Variants in SNTG1 observed in about 807,000 individuals in gnomAD.
The protein encoded by SNTG1 is gamma-1-syntrophin.
A neutral mutation model predicts 74.7 loss-of-function variants in SNTG1; 39 were observed. The ratio of observed to expected loss-of-function variants is 0.52; its 90% CI spans 0.40 to 0.68. SNTG1 has a LOEUF of 0.68. Among genes scored for constraint, SNTG1 ranks in the 30% least tolerant of loss-of-function variants. The pLI, the probability that SNTG1 is intolerant of heterozygous loss-of-function variation, is 0.00. For synonymous variants in SNTG1, 254 were observed against 217.1 expected (o/e 1.17, Z -1.49); for missense variants, 685 against 609.5 (o/e 1.12, Z -1.30).
intron 12 of SNTG1, chr8:50,569,101 C>T (rs930131002): frequency 3.3e-5 from 5 of 152,132 alleles, no homozygotes; most frequent in African/African-American, 9.7e-5. Flanking sequence ...TTTATGGGGT[C>T]GGGTAAGACA....
chr8:50,376,756 TAGAGAGAG>T (rs58103614), intron 2 of SNTG1, among the ~76,000 whole-genome samples: 6 of 89,988 alleles, frequency 6.7e-5, no homozygotes, highest in African/African-American at 2.5e-4. Flanking sequence ...TATATATATA[TAGAGAGAG>T]AGAGAGAGAG....
intron 2 of SNTG1, among the ~76,000 whole-genome samples, chr8:50,215,451 GTC>G (rs942707159): frequency 6.9e-6 from 1 of 145,336 alleles, no homozygotes; most frequent in Admixed American, 7.0e-5. Flanking sequence ...TATATATGTA[GTC>G]TCTCTATATA....
intron 2 of SNTG1, among the ~76,000 whole-genome samples, chr8:50,235,210 AT>A (rs1168490132): frequency 2.6e-5 from 4 of 152,158 alleles, no homozygotes; most frequent in Admixed American, 6.6e-5. Context: ...CCACCAACAA[AT>A]GAATGGATAA....
intron 8 of SNTG1, among the ~76,000 whole-genome samples, chr8:50,487,578 A>G (rs1417647430): frequency 6.6e-6 from 1 of 152,060 alleles, no homozygotes; most frequent in Non-Finnish European, 1.5e-5. Flanking sequence ...TCAGTAAACT[A>G]TCGCAAGATC....
At chr8:50,391,065 T>A (rs2092651862) in intron 2 of SNTG1, among the ~76,000 whole-genome samples, 1 of 152,126 alleles carries the variant, frequency 6.6e-6, no homozygotes, top group Non-Finnish European at 1.5e-5. Flanking sequence ...CCTTTATTTC[T>A]TTCTTCTGTC....
At chr8:49,976,359 T>C (rs1812191923) in intron 1 of SNTG1, among the ~76,000 whole-genome samples, 3 of 152,242 alleles carry the variant, frequency 2.0e-5, no homozygotes, top group Admixed American at 1.3e-4. Flanking sequence ...ACTTATTCTC[T>C]GTGTTTTTGC....
chr8:50,221,821 A>C (rs958454732), intron 2 of SNTG1, among the ~76,000 whole-genome samples: 1 of 152,138 alleles, frequency 6.6e-6, no homozygotes, highest in African/African-American at 2.4e-5. Flanking sequence ...GCCCAGATAG[A>C]GCCAATTTAT....
intron 15 of SNTG1, among the ~76,000 whole-genome samples, chr8:50,665,040 A>G (rs1012269663): frequency 4.6e-5 from 7 of 152,078 alleles, no homozygotes; most frequent in African/African-American, 1.7e-4. Flanking sequence ...TTTAAACAGT[A>G]TTTTTCATGA....
chr8:50,560,443 C>T (rs115167094), intron 12 of SNTG1, among the ~76,000 whole-genome samples: 2,156 of 152,188 alleles, frequency 0.014, 58 homozygotes, highest in African/African-American at 0.048. Context: ...GCACTATTCA[C>T]GATAGCAAGG....
intron 1 of SNTG1, among the ~76,000 whole-genome samples, chr8:50,062,146 C>A (rs1050461887): frequency 3.3e-5 from 5 of 152,090 alleles, no homozygotes; most frequent in African/African-American, 1.2e-4. Flanking sequence ...TGGGTTCAAG[C>A]GATTCTCCTG....
intron 1 of SNTG1, among the ~76,000 whole-genome samples, chr8:50,142,370 A>T (rs1053461978): frequency 6.6e-6 from 1 of 152,028 alleles, no homozygotes; most frequent in Non-Finnish European, 1.5e-5. Context: ...AACAAAGAAA[A>T]GTGAGGAAGA....
At chr8:50,507,735 C>T (rs746978873) in intron 9 of SNTG1, among the ~76,000 whole-genome samples, 3 of 151,930 alleles carry the variant, frequency 2.0e-5, no homozygotes. Flanking sequence ...GCACAACGTG[C>T]AGGTTAGCTA....
chr8:50,226,556 A>T lies in SNTG1; in HGVS notation c.-28+53921A>T, dbSNP rs147657414. On this transcript the variant is annotated intron_variant, in intron 2 of 18. Transcript: ENST00000642720. ...ACTTCAAAAGATCCGTGGTCTCCAC[A>T]ATCTTTTATCTTAACCTGAACATTT... 2.4e-3 allele frequency among the ~76,000 whole-genome samples: 364 copies of T among 152,324 alleles called. 2 individuals carry two copies. Among genetic ancestry groups the T allele is most frequent in the Middle Eastern group, 0.017 (5 of 294 alleles).
intron 15 of SNTG1, among the ~76,000 whole-genome samples, chr8:50,674,521 C>G (rs1262519710): frequency 5.3e-5 from 8 of 151,832 alleles, no homozygotes; most frequent in Non-Finnish European, 1.2e-4. Context: ...GTAGTGATAT[C>G]CCCTTTAACC....
At chr8:49,962,781 T>A (rs1302730990) in intron 1 of SNTG1, among the ~76,000 whole-genome samples, 1 of 152,086 alleles carries the variant, frequency 6.6e-6, no homozygotes, top group African/African-American at 2.4e-5. Context: ...TTAGTAGAAA[T>A]GGAATTTCAC....
At chr8:50,758,280 A>G (rs1223507004) in intron 18 of SNTG1, among the ~76,000 whole-genome samples, 3 of 151,666 alleles carry the variant, frequency 2.0e-5, no homozygotes, top group African/African-American at 7.3e-5. Context: ...GTAAACTGTG[A>G]TGTCTTTTTT....
intron 1 of SNTG1, among the ~76,000 whole-genome samples, chr8:49,970,728 G>T (rs1018407031): frequency 2.0e-5 from 3 of 152,168 alleles, no homozygotes; most frequent in African/African-American, 7.2e-5. Flanking sequence ...CAGCTAGTGA[G>T]ACTGGCAAAC....
intron 1 of SNTG1, among the ~76,000 whole-genome samples, chr8:50,145,145 C>T (rs1336027526): frequency 2.0e-5 from 3 of 152,074 alleles, no homozygotes; most frequent in Non-Finnish European, 2.9e-5. Flanking sequence ...AGTGGCAGAG[C>T]CCTGGCCACC....
intron 15 of SNTG1, among the ~76,000 whole-genome samples, chr8:50,679,455 TG>T (rs1251239562): frequency 6.6e-6 from 1 of 152,184 alleles, no homozygotes; most frequent in Admixed American, 6.6e-5. Context: ...AGCCACATTA[TG>T]GGGTTACTAT....
Sources: gnomAD v4.1 joint callset for allele counts (sites outside exome capture counted in the v4.1 genomes callset) on GRCh38, gnomAD v4.1.1 for gene constraint, MANE v1.5 for transcripts, NCBI Gene and HGNC (gene_info 2026-07-23, HGNC 2026-07-21) for gene names.